Variants in EIF5B observed in about 807,000 individuals in gnomAD.
The protein encoded by EIF5B is eIF-5B.
In EIF5B, 47 loss-of-function variants were observed where a neutral mutation model predicts 147.5. That is an observed-to-expected ratio of 0.32 (90% confidence interval 0.25 to 0.41). The LOEUF is 0.41. Ranked by LOEUF, EIF5B falls within the 10% of genes least tolerant of loss-of-function variation. EIF5B has a pLI of 1.00. For synonymous variants in EIF5B, 455 were observed against 456.2 expected (o/e 1.00, Z 0.03); for missense variants, 1,064 against 1,413.2 (o/e 0.75, Z 3.96).
chr2:99,373,122 TATAA>T (rs1674488393), intron 9 of EIF5B, among the ~76,000 whole-genome samples: 1 of 152,222 alleles, frequency 6.6e-6, no homozygotes, highest in African/African-American at 2.4e-5. Context: ...TGCCTTTTGA[TATAA>T]AAGTCTACCT....
At chr2:99,396,194 A>G (rs1675042380) in intron 21 of EIF5B, among the ~76,000 whole-genome samples, 1 of 152,216 alleles carries the variant, frequency 6.6e-6, no homozygotes, top group Admixed American at 6.5e-5. Flanking sequence ...TGAAACCTGA[A>G]GTGAGAAGAA....
At chr2:99,396,672 T>C (rs1360580179) in intron 21 of EIF5B, 88 bp from the exon 22 acceptor site, 11 of 1,479,362 alleles carry the variant, frequency 7.4e-6, no homozygotes, top group Admixed American at 4.6e-5. Flanking sequence ...TTTCCTCTAA[T>C]GGGAGAAGCC....
intron 1 of EIF5B, among the ~76,000 whole-genome samples, chr2:99,346,122 G>C (rs142574778): frequency 1.3e-5 from 2 of 152,168 alleles, no homozygotes; most frequent in African/African-American, 4.8e-5. Flanking sequence ...GCCTCTTAAA[G>C]TTATTGTTTA....
chr2:99,366,288 A>T (rs1327682657), intron 6 of EIF5B, among the ~76,000 whole-genome samples: 1 of 152,206 alleles, frequency 6.6e-6, no homozygotes, highest in Non-Finnish European at 1.5e-5. Context: ...TCAGTTGATT[A>T]AGTCTAGGGT....
intron 9 of EIF5B, among the ~76,000 whole-genome samples, chr2:99,372,722 A>G (rs1435100487): frequency 2.0e-5 from 3 of 152,186 alleles, no homozygotes; most frequent in Non-Finnish European, 4.4e-5. Context: ...ACATGATTCT[A>G]TCCTTTGAAA....
intron 17 of EIF5B, 118 bp from the exon 18 acceptor site, chr2:99,392,849 T>G: frequency 1.1e-6 from 1 of 906,704 alleles, no homozygotes; most frequent in South Asian, 4.4e-5. Context: ...TGATTATTGC[T>G]TTTTGTGCCT....
At chr2:99,389,053 C>T (rs2104243671) in intron 14 of EIF5B, among the ~76,000 whole-genome samples, 1 of 152,306 alleles carries the variant, frequency 6.6e-6, no homozygotes, top group South Asian at 2.1e-4. Flanking sequence ...CTAAGGACCT[C>T]ATATGCTAAT....
intron 1 of EIF5B, chr2:99,340,549 G>A (rs2105332827): frequency 6.6e-6 from 1 of 152,282 alleles, no homozygotes; most frequent in Admixed American, 6.5e-5. Flanking sequence ...TTCTTGGACA[G>A]AACATACAAT....
intron 6 of EIF5B, among the ~76,000 whole-genome samples, chr2:99,365,022 G>A (rs748816733): frequency 6.6e-6 from 1 of 151,970 alleles, no homozygotes; most frequent in Non-Finnish European, 1.5e-5. Context: ...ATCACAACTG[G>A]GCATATAATT....
chr2:99,356,902 C>G (rs1674108396), intron 1 of EIF5B, among the ~76,000 whole-genome samples: 1 of 152,142 alleles, frequency 6.6e-6, no homozygotes, highest in African/African-American at 2.4e-5. Flanking sequence ...CTCCCCCTGC[C>G]CCTAATTTGA....
chr2:99,361,314 A>G lies in EIF5B; in HGVS notation c.413A>G (p.Asp138Gly), dbSNP rs1674207778. The G allele has an allele frequency of 2.5e-6, 4 of 1,602,004 alleles. No homozygotes were observed. The South Asian group carries it at 4.6e-5, about 18-fold the overall frequency. Residue 138 changes from aspartate to glycine, a missense_variant, in exon 4 of 24, where the codon GAT (aspartate) becomes GGT (glycine). Coordinates refer to ENST00000289371, the MANE Select transcript of EIF5B (RefSeq NM_015904.4). The part of the protein sequence containing the change: ...KPKVEMYSGS[D>G]DDDDFNKLPK... Reference sequence around the variant, plus strand: ...AAAGTGGAAATGTACTCTGGGAGTGATGATGATGATGATTTTAACAAACTT... The same window carrying G: ...AAAGTGGAAATGTACTCTGGGAGTGGTGATGATGATGATTTTAACAAACTT...
At chr2:99,353,155 C>T (rs1400389475) in intron 1 of EIF5B, among the ~76,000 whole-genome samples, 1 of 151,872 alleles carries the variant, frequency 6.6e-6, no homozygotes. Flanking sequence ...GCTGGGACTA[C>T]AGGCACACAC....
chr2:99,389,095 T>C (rs1419365146), intron 14 of EIF5B, among the ~76,000 whole-genome samples: 1 of 152,198 alleles, frequency 6.6e-6, no homozygotes, highest in Admixed American at 6.5e-5. Context: ...TACTGATTTG[T>C]CTCCTTAGTA....
At chr2:99,389,212 A>T (rs1362910220) in intron 14 of EIF5B, among the ~76,000 whole-genome samples, 1 of 152,172 alleles carries the variant, frequency 6.6e-6, no homozygotes, top group African/African-American at 2.4e-5. Flanking sequence ...CATTTCTTCT[A>T]TGCTCATTTA....
Position 99,399,312 on chromosome 2 carries a change from C to T in EIF5B, c.3561C>T (p.Ser1187=). 1 of 1,613,990 alleles carries T rather than the reference C, an allele frequency of 6.2e-7. No homozygotes were observed. Among genetic ancestry groups the T allele is most frequent in the Non-Finnish European group, 8.5e-7 (1 of 1,179,974 alleles). The change falls in exon 24 of 24, where the codon AGC becomes AGT. Residue 1187 remains serine, a synonymous_variant. Transcript: ENST00000289371. ...EATDILVSKI[S]RQSIDALKDW... is the part of the protein sequence containing the mutation. ...TTGTGCCTCGGGCATTGCAGATCAG[C>T]CGGCAGTCCATTGATGCACTCAAAG...
intron 14 of EIF5B, among the ~76,000 whole-genome samples, chr2:99,385,852 G>C (rs1052368421): frequency 1.3e-5 from 2 of 152,144 alleles, no homozygotes; most frequent in Admixed American, 6.5e-5. Flanking sequence ...TTCCAGAAAA[G>C]TTCTCTCATG....
At chr2:99,375,396 G>A (rs1674540894) in intron 9 of EIF5B, among the ~76,000 whole-genome samples, 3 of 152,228 alleles carry the variant, frequency 2.0e-5, no homozygotes, top group Non-Finnish European at 2.9e-5. Flanking sequence ...ATCTGAAGGT[G>A]ATCTGCCAAT....
intron 1 of EIF5B, among the ~76,000 whole-genome samples, chr2:99,353,160 A>T (rs1174372063): frequency 6.6e-6 from 1 of 151,716 alleles, no homozygotes; most frequent in Non-Finnish European, 1.5e-5. Flanking sequence ...GACTACAGGC[A>T]CACACCACTA....
chr2:99,397,843 G>A (rs1315291496), intron 22 of EIF5B: 1 of 152,058 alleles, frequency 6.6e-6, no homozygotes, highest in Non-Finnish European at 1.5e-5. Context: ...TACGTAGATG[G>A]TTGCAAAATT....
Sources: allele counts gnomAD v4.1 joint callset (sites outside exome capture counted in the v4.1 genomes callset), GRCh38; gene constraint gnomAD v4.1.1; transcripts MANE v1.5; gene names NCBI Gene and HGNC (gene_info 2026-07-23, HGNC 2026-07-21).